PRKCB: variants seen among roughly 807,000 people sequenced by gnomAD.
The protein encoded by PRKCB is protein kinase C beta, also known as protein kinase C beta type.
A neutral mutation model predicts 81.5 loss-of-function variants in PRKCB; 13 were observed. The observed-to-expected ratio is 0.16, with a 90% CI of 0.10 to 0.25. The LOEUF (loss-of-function observed/expected upper bound fraction) is 0.25. PRKCB is among the 10% of genes least tolerant of loss of function. The pLI is 1.00. For missense variants in PRKCB, 509 were observed against 875.7 expected, an observed-to-expected ratio of 0.58 and a Z score of 5.29; for synonymous variants, 335 against 321.4, an observed-to-expected ratio of 1.04 and a Z score of -0.45.
intron 10 of PRKCB, among the ~76,000 whole-genome samples, chr16:24,161,450 G>C (rs981901324): frequency 6.6e-6 from 1 of 152,110 alleles, no homozygotes; most frequent in Non-Finnish European, 1.5e-5. Flanking sequence ...GGGGTCTGTG[G>C]ATAAGTGCCT....
At chr16:24,071,168 A>T (rs9930124) in intron 5 of PRKCB, among the ~76,000 whole-genome samples, 2,455 of 152,070 alleles carry the variant, frequency 0.016, 67 homozygotes, top group African/African-American at 0.055. Context: ...GGAGGAGCTT[A>T]ATGACCTCGT....
chr16:23,981,897 CCCCTTCCCTTCCCCTTCCCCTT>C, intron 2 of PRKCB, among the ~76,000 whole-genome samples: 1 of 33,888 alleles, frequency 3.0e-5, no homozygotes, highest in East Asian at 1.2e-3. Flanking sequence ...CCCTCCCCTT[CCCCTTCCCTTCCCCTTCCCCTT>C]CCCTTCCCTT....
intron 2 of PRKCB, among the ~76,000 whole-genome samples, chr16:23,880,753 A>G (rs968772348): frequency 6.6e-6 from 1 of 152,128 alleles, no homozygotes; most frequent in African/African-American, 2.4e-5. Flanking sequence ...TCATTATAGA[A>G]CATTACAACA....
chr16:24,128,344 C>T (rs967787088), intron 9 of PRKCB, among the ~76,000 whole-genome samples: 3 of 152,134 alleles, frequency 2.0e-5, no homozygotes, highest in Admixed American at 2.0e-4. Flanking sequence ...CACTGCACTC[C>T]AGCCTGGGTG....
chr16:23,867,889 G>A (rs1962834590), intron 2 of PRKCB, among the ~76,000 whole-genome samples: 1 of 152,174 alleles, frequency 6.6e-6, no homozygotes, highest in Non-Finnish European at 1.5e-5. Context: ...CCTCTAGAGA[G>A]AAGTCTTTAA....
At chr16:24,084,982 C>T (rs1209677595) in intron 5 of PRKCB, among the ~76,000 whole-genome samples, 1 of 152,008 alleles carries the variant, frequency 6.6e-6, no homozygotes, top group Non-Finnish European at 1.5e-5. Flanking sequence ...AGGGTATGCA[C>T]ACAGGATGTT....
Position 23,999,970 on chromosome 16 carries a change from C to T in PRKCB, c.288+11380C>T, listed in dbSNP as rs546119895. Among the ~76,000 whole-genome samples the T allele has an allele frequency of 6.6e-5, 10 of 152,310 alleles. No individual in the cohort carries two copies. In the East Asian group the frequency reaches 1.7e-3, roughly 26 times the overall value. ...GATTTGGCTCTCGTCCATGTGGCAT[C>T]ATCCTCCATCCAACTGGCTAGCTCT... On this transcript the variant is annotated intron_variant, in intron 3 of 16. Coordinates refer to ENST00000643927, the MANE Select transcript of PRKCB (RefSeq NM_002738.7).
intron 2 of PRKCB, among the ~76,000 whole-genome samples, chr16:23,913,131 T>C (rs1019574983): frequency 2.0e-5 from 3 of 151,720 alleles, no homozygotes; most frequent in Non-Finnish European, 4.4e-5. Flanking sequence ...TTCAAGGAGG[T>C]GGACACCAGG....
At chr16:24,210,437 C>T (rs10852263) in intron 16 of PRKCB, among the ~76,000 whole-genome samples, 25,829 of 151,974 alleles carry the variant, frequency 0.17, 2,631 homozygotes, top group East Asian at 0.22. Flanking sequence ...AGGTCTTGCT[C>T]AAAGGCCATT....
intron 5 of PRKCB, among the ~76,000 whole-genome samples, chr16:24,064,000 G>A (rs954822586): frequency 1.3e-5 from 2 of 152,052 alleles, no homozygotes; most frequent in African/African-American, 2.4e-5. Flanking sequence ...GCAGAGCAGC[G>A]TGTATAGTGT....
At chr16:24,114,048 C>T (rs1008525177) in intron 8 of PRKCB, among the ~76,000 whole-genome samples, 5 of 151,464 alleles carry the variant, frequency 3.3e-5, no homozygotes, top group African/African-American at 4.8e-5. Context: ...TAAACCCAGT[C>T]TCTACTAAAA....
chr16:23,976,304 A>C (rs1346094445), intron 2 of PRKCB, among the ~76,000 whole-genome samples: 3 of 152,074 alleles, frequency 2.0e-5, no homozygotes, highest in African/African-American at 4.8e-5. Context: ...TCTCAAAAAA[A>C]CCCACAAAAA....
intron 5 of PRKCB, among the ~76,000 whole-genome samples, chr16:24,064,372 A>T (rs529632801): frequency 6.6e-6 from 1 of 152,312 alleles, no homozygotes; most frequent in South Asian, 2.1e-4. Flanking sequence ...AATTTTCATG[A>T]TGATTTTTCC....
In PRKCB at chr16:24,214,749, A is replaced by C. The variant is rs1968196798; in HGVS notation, c.1955A>C (p.Asp652Ala). 5 of 1,614,202 alleles carry C rather than the reference A, an allele frequency of 3.1e-6. No individual in the cohort carries two copies. Among genetic ancestry groups the C allele is most frequent in the Non-Finnish European group, 3.4e-6 (4 of 1,180,018 alleles). The part of the protein sequence containing the change: ...PPDQEVIRNI[D>A]QSEFEGFSFV... ...GACCAGGAAGTCATCAGGAATATTGACCAATCAGAATTCGAAGGATTTTCC... is the reference window on the plus strand; with the variant it reads ...GACCAGGAAGTCATCAGGAATATTGCCCAATCAGAATTCGAAGGATTTTCC... The change falls in exon 17 of 17, where the codon GAC becomes GCC. Residue 652 changes from aspartate to alanine, a missense_variant. Asp to Ala is a moderately radical substitution (Grantham distance 126). Coordinates refer to ENST00000643927, the MANE Select transcript of PRKCB (RefSeq NM_002738.7).
chr16:23,857,756 G>A lies in PRKCB; in HGVS notation c.205+20350G>A, dbSNP rs1962595265. Among the ~76,000 whole-genome samples the A allele has an allele frequency of 3.3e-5, 5 of 152,106 alleles. No individual in the cohort carries two copies. The South Asian group carries it at 1.0e-3, about 32-fold the overall frequency. ...TGTGGGTGTGTGCGCACGTGCGTCT[G>A]CAGTCCCTAGAAGGATCTCTATTCA... On this transcript the variant is annotated intron_variant, in intron 2 of 16. Transcript: ENST00000643927.
intron 3 of PRKCB, among the ~76,000 whole-genome samples, chr16:24,009,397 G>C (rs1295635830): frequency 1.3e-5 from 2 of 151,326 alleles, no homozygotes; most frequent in African/African-American, 4.9e-5. Context: ...ACCACAATGA[G>C]ATATTATCTC....
intron 7 of PRKCB, among the ~76,000 whole-genome samples, chr16:24,105,196 A>G (rs960821291): frequency 6.6e-6 from 1 of 151,946 alleles, no homozygotes; most frequent in South Asian, 2.1e-4. Context: ...AGCAGGGATT[A>G]CAGGCATGGG....
At chr16:23,961,686 A>C (rs1235915790) in intron 2 of PRKCB, among the ~76,000 whole-genome samples, 1 of 151,936 alleles carries the variant, frequency 6.6e-6, no homozygotes, top group Non-Finnish European at 1.5e-5. Context: ...GACCAGAAGC[A>C]TTTCTGAGTG....
At chr16:23,971,354 C>A (rs545064910) in intron 2 of PRKCB, among the ~76,000 whole-genome samples, 1 of 152,270 alleles carries the variant, frequency 6.6e-6, no homozygotes, top group Non-Finnish European at 1.5e-5. Context: ...GTGTTTCCTA[C>A]GTGCTCCTTC....
Sources: gnomAD v4.1 joint callset for allele counts (sites outside exome capture counted in the v4.1 genomes callset) on GRCh38, gnomAD v4.1.1 for gene constraint, MANE v1.5 for transcripts, NCBI Gene and HGNC (gene_info 2026-07-23, HGNC 2026-07-21) for gene names.